The following CAPRIN1 variants were observed in gnomAD, a reference collection of about 807,000 sequenced individuals.
CAPRIN1 encodes the protein caprin-1.
A neutral mutation model predicts 100.9 loss-of-function variants in CAPRIN1; 29 were observed. The ratio of observed to expected loss-of-function variants is 0.29; its 90% CI spans 0.21 to 0.39. CAPRIN1 has a LOEUF of 0.39. Among genes scored for constraint, CAPRIN1 ranks in the 10% least tolerant of loss-of-function variants. CAPRIN1 has a pLI of 1.00. For synonymous variants in CAPRIN1, 338 were observed against 307.5 expected (o/e 1.10, Z -1.04); for missense variants, 795 against 876.7 (o/e 0.91, Z 1.18).
chr11:34,099,082 C>G (rs1181425351), intron 18 of CAPRIN1: 3 of 1,412,254 alleles, frequency 2.1e-6, no homozygotes, highest in Non-Finnish European at 2.8e-6. Flanking sequence ...TGGTGGAATA[C>G]TCCATTAGCT....
rs114042292 is a variant in CAPRIN1 at position 34,095,457 on chromosome 11, C to G, written c.1706-1022C>G. On this transcript the variant is annotated intron_variant, in intron 15 of 18. Transcript: ENST00000341394. Reference sequence around the variant, plus strand: ...AGGAGCAGTGGCTCTCTCTTTTTCTCTAGGTATTCCCTAGTGCTTTCATCG... The same window carrying G: ...AGGAGCAGTGGCTCTCTCTTTTTCTGTAGGTATTCCCTAGTGCTTTCATCG... Among the ~76,000 whole-genome samples the G allele has an allele frequency of 6.7e-3, 1,021 of 152,280 alleles. 14 individuals are homozygous for G. The highest frequency in any genetic ancestry group is 0.023 in the African/African-American group (954 of 41,562).
intron 2 of CAPRIN1, among the ~76,000 whole-genome samples, chr11:34,064,785 C>T (rs535697053): frequency 2.0e-5 from 3 of 152,126 alleles, no homozygotes; most frequent in Admixed American, 6.5e-5. Context: ...GTGGTAACCC[C>T]TAAGTGTTCA....
At chr11:34,092,298 C>A (rs911898879) in intron 15 of CAPRIN1, among the ~76,000 whole-genome samples, 6 of 151,452 alleles carry the variant, frequency 4.0e-5, no homozygotes, top group Non-Finnish European at 8.8e-5. Flanking sequence ...CATAATATCC[C>A]TGTTGCATTG....
At chr11:34,059,810 T>C (rs997387623) in intron 2 of CAPRIN1, among the ~76,000 whole-genome samples, 5 of 152,014 alleles carry the variant, frequency 3.3e-5, no homozygotes, top group Non-Finnish European at 5.9e-5. Context: ...TTGAAATTGA[T>C]TTTTTTCCTG....
At chr11:34,072,736 A>G (rs1850826986) in intron 4 of CAPRIN1, among the ~76,000 whole-genome samples, 1 of 152,222 alleles carries the variant, frequency 6.6e-6, no homozygotes, top group African/African-American at 2.4e-5. Flanking sequence ...AAGCCATCTG[A>G]ATAAGTGTCA....
chr11:34,088,038 G>T (rs958676224), intron 11 of CAPRIN1, among the ~76,000 whole-genome samples: 2 of 151,954 alleles, frequency 1.3e-5, no homozygotes, highest in Admixed American at 6.6e-5. Flanking sequence ...TCGCTCTATC[G>T]CCAGGCTGGA....
rs1179607526 is a variant in CAPRIN1, at chr11:34,101,476, TGGG to T, written c.*2112_*2114del. ...CTCTGAATCAGTTTCAGAGAAGGGATGGGGGAGAAAATGCCTTCTAGGTTTTGA... is the reference window on the plus strand; with the variant it reads ...CTCTGAATCAGTTTCAGAGAAGGGATGGAGAAAATGCCTTCTAGGTTTTGA... On this transcript the variant is annotated 3_prime_UTR_variant, in exon 19 of 19. Coordinates refer to ENST00000341394, the MANE Select transcript of CAPRIN1 (RefSeq NM_005898.5). Among the ~76,000 whole-genome samples, 1 of 152,170 alleles carries T rather than the reference TGGG, an allele frequency of 6.6e-6. No homozygotes were observed. Among genetic ancestry groups the T allele is most frequent in the Non-Finnish European group, 1.5e-5 (1 of 68,012 alleles).
chr11:34,069,413 G>T (rs1008512273), intron 2 of CAPRIN1, among the ~76,000 whole-genome samples: 5 of 152,068 alleles, frequency 3.3e-5, no homozygotes, highest in Admixed American at 2.6e-4. Context: ...CTCCCAAAAT[G>T]CTGGGATTAC....
chr11:34,090,851 C>T (rs1024975275), intron 14 of CAPRIN1, among the ~76,000 whole-genome samples, 173 bp downstream of exon 14: 6 of 152,092 alleles, frequency 3.9e-5, no homozygotes, highest in African/African-American at 1.4e-4. Context: ...CTGATACTAA[C>T]GGATATTCTA....
At position 34,102,239 on chromosome 11, in the gene CAPRIN1, G is replaced by A. The variant is rs75745430; in HGVS notation, c.*2872G>A. 6.6e-6 allele frequency among the ~76,000 whole-genome samples: 1 copy of A among 152,248 alleles called. No homozygotes were observed. Among genetic ancestry groups the A allele is most frequent in the Non-Finnish European group, 1.5e-5 (1 of 67,998 alleles). On this transcript the variant is annotated 3_prime_UTR_variant, in exon 19 of 19. Transcript: ENST00000341394. ...AGGTGATGAGTTAACAACTAGTTGA[G>A]CAGTCAGCTTCCTAAGTGTTTTAGG... is the stretch of plus-strand genomic sequence containing the variant.
At chr11:34,074,422 CA>C (rs1450181319) in intron 4 of CAPRIN1, among the ~76,000 whole-genome samples, 1 of 152,206 alleles carries the variant, frequency 6.6e-6, no homozygotes, top group Non-Finnish European at 1.5e-5. Context: ...TTTTGTTTAG[CA>C]TTCAAGAACT....
At chr11:34,094,867 C>CT (rs1851337997) in intron 15 of CAPRIN1, among the ~76,000 whole-genome samples, 1 of 151,978 alleles carries the variant, frequency 6.6e-6, no homozygotes, top group Admixed American at 6.6e-5. Context: ...GAGTTTCTTC[C>CT]TTTCTTTCCT....
chr11:34,090,847 C>G (rs1013686654), intron 14 of CAPRIN1, among the ~76,000 whole-genome samples, 169 bp downstream of exon 14: 4 of 152,144 alleles, frequency 2.6e-5, no homozygotes, highest in Admixed American at 2.0e-4. Flanking sequence ...TTAACTGATA[C>G]TAACGGATAT....
chr11:34,060,279 T>G lies in CAPRIN1; in HGVS notation c.216+7643T>G, dbSNP rs1354952277. ...AAGAGAACACAGATAATTCTTATTA[T>G]TAGAACCATTGTACATTATTGGAAA... On this transcript the variant is annotated intron_variant, in intron 2 of 18. Transcript: ENST00000341394. Among the ~76,000 whole-genome samples, 3 of 152,162 alleles carry G rather than the reference T, an allele frequency of 2.0e-5. No individual in the cohort carries two copies. In the East Asian group the frequency reaches 5.8e-4, roughly 29 times the overall value.
intron 6 of CAPRIN1, among the ~76,000 whole-genome samples, chr11:34,078,789 A>G (rs1850955043): frequency 6.6e-6 from 1 of 152,128 alleles, no homozygotes; most frequent in African/African-American, 2.4e-5. Context: ...TTCTCCCTTG[A>G]AACACTTCTT....
intron 9 of CAPRIN1, 112 bp from the exon 10 acceptor site, chr11:34,085,952 C>T (rs1590740531): frequency 6.4e-6 from 5 of 777,032 alleles, no homozygotes; most frequent in East Asian, 2.6e-5. Context: ...CATTAAAGCC[C>T]GTTCTGTTTA....
intron 6 of CAPRIN1, among the ~76,000 whole-genome samples, chr11:34,078,898 A>G (rs1197151377): frequency 6.6e-6 from 1 of 152,196 alleles, no homozygotes; most frequent in Non-Finnish European, 1.5e-5. Context: ...AGTTCTGTGT[A>G]GTACTTTTCA....
At chr11:34,097,600 T>G in intron 17 of CAPRIN1, 98 bp from the exon 18 acceptor site, 1 of 1,370,160 alleles carries the variant, frequency 7.3e-7, no homozygotes. Flanking sequence ...GTCTAAAAGA[T>G]TAAGGAAGAA....
At chr11:34,060,600 C>A (rs1445468199) in intron 2 of CAPRIN1, among the ~76,000 whole-genome samples, 1 of 152,112 alleles carries the variant, frequency 6.6e-6, no homozygotes, top group Non-Finnish European at 1.5e-5. Context: ...CATTGAACTT[C>A]TTTTTACATT....
Sources: gnomAD v4.1 joint callset for allele counts (sites outside exome capture counted in the v4.1 genomes callset) on GRCh38, gnomAD v4.1.1 for gene constraint, MANE v1.5 for transcripts, NCBI Gene and HGNC (gene_info 2026-07-23, HGNC 2026-07-21) for gene names.